The following ZNF541 variants were observed in gnomAD, a reference collection of about 807,000 sequenced individuals.
ZNF541 encodes zinc finger protein 541.
In ZNF541, 23 loss-of-function variants were observed where a neutral mutation model predicts 123.5. The ratio of observed to expected loss-of-function variants is 0.19; its 90% confidence interval spans 0.13 to 0.26. ZNF541 has a LOEUF of 0.26. ZNF541 is among the 10% of genes least tolerant of loss of function. The pLI is 1.00. For synonymous variants in ZNF541, 751 were observed against 754.5 expected (o/e 1.00, Z 0.08); for missense variants, 1,612 against 1,789.9 (o/e 0.90, Z 1.79).
At position 47,522,060 on chromosome 19, in the gene ZNF541, T is replaced by C. The variant is rs910637606; in HGVS notation, c.3571-66A>G. Reference sequence around the variant, plus strand: ...GGCCCTGGGAGTGTGACCTTGCCATTGGGCCGGCCGCCTCCTTTGGAAAGC... The same window carrying C: ...GGCCCTGGGAGTGTGACCTTGCCATCGGGCCGGCCGCCTCCTTTGGAAAGC... On this transcript the variant is annotated intron_variant, in intron 14 of 16. Coordinates refer to ENST00000391901, the MANE Select transcript of ZNF541 (RefSeq NM_001277075.3). 5.2e-6 allele frequency: 8 copies of C among 1,536,272 alleles called. No homozygotes were observed. The East Asian group carries it at 1.5e-4, about 28-fold the overall frequency.
intron 14 of ZNF541, among the ~76,000 whole-genome samples, chr19:47,526,990 T>G (rs952884880): frequency 6.6e-6 from 1 of 152,212 alleles, no homozygotes; most frequent in Non-Finnish European, 1.5e-5. Context: ...GGAATACTAT[T>G]CAGCAGTGAA....
chr19:47,543,061 GCC>G (rs1256938038), intron 5 of ZNF541, among the ~76,000 whole-genome samples: 18 of 152,092 alleles, frequency 1.2e-4, no homozygotes. Context: ...GATTGCTTGA[GCC>G]CAGGGGTTCA....
intron 14 of ZNF541, among the ~76,000 whole-genome samples, chr19:47,525,848 G>A (rs528107407): frequency 3.4e-5 from 5 of 147,952 alleles, no homozygotes; most frequent in South Asian, 4.6e-4. Flanking sequence ...CCTGGAAGGC[G>A]TAGCTTGCAG....
At chr19:47,533,198 G>A (rs1969657001) in intron 9 of ZNF541, among the ~76,000 whole-genome samples, 1 of 151,026 alleles carries the variant, frequency 6.6e-6, no homozygotes, top group Non-Finnish European at 1.5e-5. Flanking sequence ...GTGAAACCCT[G>A]TTCCTACTTA....
chr19:47,528,260 A>G (rs1969398681), intron 14 of ZNF541, among the ~76,000 whole-genome samples: 1 of 139,230 alleles, frequency 7.2e-6, no homozygotes, highest in Admixed American at 7.2e-5. Context: ...GGTTGCGGTG[A>G]GCCAAGATTG....
Position 47,545,573 on chromosome 19 carries a change from G to T in ZNF541, c.956C>A (p.Thr319Asn), listed in dbSNP as rs982723845. 6 of 1,545,896 alleles carry T rather than the reference G, an allele frequency of 3.9e-6. No individual in the cohort carries two copies. The African/African-American group carries it at 8.2e-5, about 21-fold the overall frequency. The change falls in exon 5 of 17, where the codon ACC becomes AAC. Residue 319 changes from threonine (T) to asparagine (N), a missense_variant. Transcript: ENST00000391901. The surrounding 1 kb of genome is among the most constrained non-coding windows in gnomAD (Gnocchi z 7.5). ...TGGGGCCGCGTGGGGGCCGGCTGGGGTGCAGGACGAGGACCCCGATGAGGC... is the reference window on the plus strand; with the variant it reads ...TGGGGCCGCGTGGGGGCCGGCTGGGTTGCAGGACGAGGACCCCGATGAGGC... ...CPASSGSSSC[T>N]PAGPHAAPAA...
chr19:47,545,343 G>GAGGCAGGC lies in ZNF541; in HGVS notation c.1178_1185dup (p.Leu396AlafsTer158), dbSNP rs1306556613. ...GCAGGGACCGTCTGGCCTCGGAAGA[G>GAGGCAGGC]AGGCAGGCAGGCAGGCACGGAGCCG... On this transcript the variant is annotated frameshift_variant, in exon 5 of 17. Transcript: ENST00000391901. LOFTEE classifies it high-confidence loss of function. This position sits in a 1 kb window ranked among gnomAD's most constrained non-coding sequence, Gnocchi z 7.5. 6.5e-7 allele frequency: 1 copy of GAGGCAGGC among 1,546,366 alleles called. No individual in the cohort carries two copies. The highest frequency in any genetic ancestry group is 8.7e-7 in the Non-Finnish European group (1 of 1,145,062).
intron 5 of ZNF541, 24 bp from the exon 6 acceptor site, chr19:47,540,975 C>T: frequency 6.5e-7 from 1 of 1,548,260 alleles, no homozygotes; most frequent in Non-Finnish European, 8.7e-7. Flanking sequence ...TGCATCTGAA[C>T]CAACACATCC....
In ZNF541 at chr19:47,535,145, G is replaced by A. The variant is rs139189729; in HGVS notation, c.3095-2173C>T. Among the ~76,000 whole-genome samples, 416 of 152,206 alleles carry A rather than the reference G, an allele frequency of 2.7e-3. 2 individuals are homozygous for A. The highest frequency in any genetic ancestry group is 9.6e-3 in the African/African-American group (399 of 41,532). On this transcript the variant is annotated intron_variant, in intron 9 of 16. Transcript: ENST00000391901. Reference sequence around the variant, plus strand: ...TTCTTTTGTATTTTTAGTAGAGACGGGATTTCACCATGTTGGCCAGGCTGG... The same window carrying A: ...TTCTTTTGTATTTTTAGTAGAGACGAGATTTCACCATGTTGGCCAGGCTGG...
chr19:47,545,576 C>A lies in ZNF541; in HGVS notation c.953G>T (p.Cys318Phe). 1.3e-6 allele frequency: 2 copies of A among 1,545,660 alleles called. No homozygotes were observed. The highest frequency in any genetic ancestry group is 1.7e-6 in the Non-Finnish European group (2 of 1,143,300). The change falls in exon 5 of 17, where the codon TGC becomes TTC. Residue 318 changes from cysteine to phenylalanine, a missense_variant. By Grantham distance (205) the Cys-to-Phe change is radical. This residue lies in a region of ZNF541 where 1,080 missense variants were observed against 1,013.8 expected (regional missense o/e 1.07). Coordinates refer to ENST00000391901, the MANE Select transcript of ZNF541 (RefSeq NM_001277075.3). The surrounding 1 kb of genome is among the most constrained non-coding windows in gnomAD (Gnocchi z 7.5). ...PCPASSGSSS[C>F]TPAGPHAAPA... ...GGCCGCGTGGGGGCCGGCTGGGGTG[C>A]AGGACGAGGACCCCGATGAGGCGGG...
chr19:47,542,443 G>A (rs1417259764), intron 5 of ZNF541, among the ~76,000 whole-genome samples: 1 of 151,738 alleles, frequency 6.6e-6, no homozygotes, highest in Non-Finnish European at 1.5e-5. Flanking sequence ...ATCACCTGAG[G>A]TCAGGAAAGA....
At position 47,545,113 on chromosome 19, in the gene ZNF541, C is replaced by A. The variant is rs1253683940; in HGVS notation, c.1416G>T (p.Leu472=). Residue 472 remains leucine, a synonymous_variant, in exon 5 of 17, where the codon CTG becomes CTT. Transcript: ENST00000391901. This position sits in a 1 kb window ranked among gnomAD's most constrained non-coding sequence, Gnocchi z 7.5. Reference sequence around the variant, plus strand: ...CCCTGAGGAGCGCGGCAGGGAAGGGCAGAGCATCCTCCAGGCCACCGCCGG... The same window carrying A: ...CCCTGAGGAGCGCGGCAGGGAAGGGAAGAGCATCCTCCAGGCCACCGCCGG... ...PGPGGGLEDA[L]PFPAALLRVP... 7.4e-6 allele frequency: 11 copies of A among 1,482,564 alleles called. No homozygotes were observed. Among genetic ancestry groups the A allele is most frequent in the Non-Finnish European group, 9.8e-6 (11 of 1,119,122 alleles). 91.8% of individuals were successfully genotyped at this position (1,482,564 alleles called of 1,614,324 possible). A position where few individuals can be genotyped will look rare whatever the true frequency, so the allele number is the denominator to read the frequency against.
intron 2 of ZNF541, among the ~76,000 whole-genome samples, chr19:47,568,174 A>G (rs1369506031): frequency 6.6e-6 from 1 of 151,920 alleles, no homozygotes; most frequent in African/African-American, 2.4e-5. Flanking sequence ...GAAAAGCTCC[A>G]ACCACTGTTC....
intron 2 of ZNF541, among the ~76,000 whole-genome samples, chr19:47,563,798 G>T (rs542636923): frequency 6.6e-5 from 10 of 152,068 alleles, no homozygotes; most frequent in African/African-American, 2.4e-4. Context: ...TAGAGATAGG[G>T]TTTCACCACG....
intron 3 of ZNF541, among the ~76,000 whole-genome samples, chr19:47,553,089 CAGAG>C (rs1160579254): frequency 6.6e-6 from 1 of 151,648 alleles, no homozygotes; most frequent in African/African-American, 2.4e-5. Flanking sequence ...AACCTGGTGA[CAGAG>C]AAAGACTCCG....
At chr19:47,558,633 G>A (rs1014089257) in intron 2 of ZNF541, among the ~76,000 whole-genome samples, 8 of 149,970 alleles carry the variant, frequency 5.3e-5, no homozygotes, top group Non-Finnish European at 1.2e-4. Context: ...TCGCTCTGTC[G>A]CCCAGGCTGG....
intron 14 of ZNF541, among the ~76,000 whole-genome samples, chr19:47,528,232 T>C (rs1969395875): frequency 6.9e-6 from 1 of 143,954 alleles, no homozygotes; most frequent in Non-Finnish European, 1.5e-5. Flanking sequence ...GGAGAATCGC[T>C]TGAACCCGGG....
In ZNF541 at chr19:47,545,094, G is replaced by A. The variant is rs879637672; in HGVS notation, c.1435C>T (p.Leu479Phe). The change falls in exon 5 of 17, where the codon CTC becomes TTC. Residue 479 changes from leucine to phenylalanine, a missense_variant. Physicochemically the swap from Leu to Phe is conservative, Grantham distance 22. Coordinates refer to ENST00000391901, the MANE Select transcript of ZNF541 (RefSeq NM_001277075.3). This position sits in a 1 kb window ranked among gnomAD's most constrained non-coding sequence, Gnocchi z 7.5. ...EDALPFPAAL[L>F]RVPAEAPSDP... ...CTCGGGGCCTCCGCGGGGACCCTGA[G>A]GAGCGCGGCAGGGAAGGGCAGAGCA... is the stretch of plus-strand genomic sequence containing the variant. The A allele has an allele frequency of 1.9e-4, 281 of 1,481,502 alleles. No individual in the cohort carries two copies. Among genetic ancestry groups the A allele is most frequent in the Admixed American group, 3.9e-4 (17 of 43,178 alleles). 91.8% of individuals were successfully genotyped at this position (1,481,502 alleles called of 1,614,324 possible).
At chr19:47,553,408 CTTTTT>C (rs1291200798) in intron 3 of ZNF541, among the ~76,000 whole-genome samples, 1 of 116,870 alleles carries the variant, frequency 8.6e-6, no homozygotes, top group Non-Finnish European at 1.8e-5. Flanking sequence ...CAGGCTAATT[CTTTTT>C]TTTTTTTTTT....
Sources: allele counts gnomAD v4.1 joint callset (sites outside exome capture counted in the v4.1 genomes callset), GRCh38; gene constraint gnomAD v4.1.1; regional missense constraint gnomAD v4.1.1; non-coding constraint Gnocchi (gnomAD v3.1); transcripts MANE v1.5; gene names NCBI Gene and HGNC (gene_info 2026-07-23, HGNC 2026-07-21).